Variants in PDZRN3 observed in about 807,000 individuals in gnomAD.
PDZRN3 encodes the protein PDZ domain containing ring finger 3.
PDZRN3 carries 38 observed loss-of-function variants against 85.7 expected under a neutral mutation model. The observed-to-expected ratio is 0.44, with a 90% CI of 0.34 to 0.58. The LOEUF (loss-of-function observed/expected upper bound fraction) is 0.58. PDZRN3 is among the 20% of genes least tolerant of loss of function. The pLI is 0.01. For missense variants in PDZRN3, 1,629 were observed against 1,506.4 expected, an observed-to-expected ratio of 1.08 and a Z score of -1.35; for synonymous variants, 759 against 638.0, an observed-to-expected ratio of 1.19 and a Z score of -2.86.
At chr3:73,390,871 A>G (rs1701509468) in intron 6 of PDZRN3, 147 bp downstream of exon 6, 1 of 557,464 alleles carries the variant, frequency 1.8e-6, no homozygotes. Flanking sequence ...GGAAAGATGC[A>G]GCGCCATGGA....
chr3:73,436,243 T>G (rs1209284334), intron 3 of PDZRN3, among the ~76,000 whole-genome samples: 1 of 152,248 alleles, frequency 6.6e-6, no homozygotes, highest in Non-Finnish European at 1.5e-5. Flanking sequence ...GCTGACTGTT[T>G]CCTTGTGCAA....
At chr3:73,390,021 T>A (rs1701487610) in intron 6 of PDZRN3, 143 bp from the exon 7 acceptor site, 1 of 686,742 alleles carries the variant, frequency 1.5e-6, no homozygotes, top group Non-Finnish European at 2.6e-6. Flanking sequence ...CTTAGTGTCG[T>A]GCAAGGAGAG....
intron 3 of PDZRN3, among the ~76,000 whole-genome samples, chr3:73,537,885 T>G (rs1381738900): frequency 1.3e-5 from 2 of 151,986 alleles, no homozygotes; most frequent in Non-Finnish European, 2.9e-5. Context: ...CTCGGCTTTC[T>G]GAAGTGCTGG....
intron 3 of PDZRN3, among the ~76,000 whole-genome samples, chr3:73,517,499 G>A (rs973775732): frequency 2.6e-5 from 4 of 152,154 alleles, no homozygotes; most frequent in African/African-American, 9.7e-5. Context: ...CAAAGTTAAC[G>A]TCACAGCGAG....
intron 3 of PDZRN3, among the ~76,000 whole-genome samples, chr3:73,500,450 G>A (rs1703955375): frequency 6.6e-6 from 1 of 152,000 alleles, no homozygotes; most frequent in Non-Finnish European, 1.5e-5. Flanking sequence ...ATTTCCACAT[G>A]AGCTCTGCCA....
chr3:73,401,289 C>T (rs576281171), intron 4 of PDZRN3, among the ~76,000 whole-genome samples: 15 of 152,316 alleles, frequency 9.8e-5, no homozygotes, highest in East Asian at 5.8e-4. Context: ...CTGCCAGTCA[C>T]GTGATTCAGC....
intron 3 of PDZRN3, among the ~76,000 whole-genome samples, chr3:73,496,382 GA>G (rs1351708021): frequency 3.6e-3 from 1 of 278 alleles, no homozygotes; most frequent in East Asian, 0.25. Context: ...CGAACATAGA[GA>G]ACTAACTTAA....
At chr3:73,496,870 A>C (rs1197838519) in intron 3 of PDZRN3, among the ~76,000 whole-genome samples, 4 of 152,180 alleles carry the variant, frequency 2.6e-5, no homozygotes, top group African/African-American at 9.7e-5. Context: ...ATATTCAAGG[A>C]AGCTAACTGA....
chr3:73,421,656 C>A (rs1702205119), intron 3 of PDZRN3, among the ~76,000 whole-genome samples: 1 of 152,120 alleles, frequency 6.6e-6, no homozygotes, highest in Non-Finnish European at 1.5e-5. Flanking sequence ...AAAACTACTT[C>A]AATTTTTTTT....
chr3:73,407,864 C>A (rs1701885136), intron 3 of PDZRN3, among the ~76,000 whole-genome samples: 1 of 152,174 alleles, frequency 6.6e-6, no homozygotes, highest in Non-Finnish European at 1.5e-5. Context: ...CTGAATCTGT[C>A]CAGCTTTGGG....
At chr3:73,592,797 G>A (rs1460884274) in intron 3 of PDZRN3, among the ~76,000 whole-genome samples, 1 of 152,142 alleles carries the variant, frequency 6.6e-6, no homozygotes, top group African/African-American at 2.4e-5. Flanking sequence ...ATCAGTGCTT[G>A]CAGCTGCCAT....
intron 3 of PDZRN3, among the ~76,000 whole-genome samples, chr3:73,571,663 G>A (rs956459893): frequency 1.3e-5 from 2 of 152,142 alleles, no homozygotes; most frequent in African/African-American, 4.8e-5. Context: ...CGCAGCTGCC[G>A]GGGTGAGAGT....
intron 3 of PDZRN3, among the ~76,000 whole-genome samples, chr3:73,445,178 C>G (rs1702722930): frequency 6.6e-6 from 1 of 151,786 alleles, no homozygotes; most frequent in Non-Finnish European, 1.5e-5. Context: ...GGTCAAACCA[C>G]AGCCAGAAGT....
At chr3:73,428,327 T>A (rs990052880) in intron 3 of PDZRN3, among the ~76,000 whole-genome samples, 4 of 152,338 alleles carry the variant, frequency 2.6e-5, no homozygotes, top group African/African-American at 9.6e-5. Flanking sequence ...CCTCACCTCC[T>A]TGGTCCAAAC....
intron 3 of PDZRN3, among the ~76,000 whole-genome samples, chr3:73,540,573 A>T (rs1704897326): frequency 6.6e-6 from 1 of 152,142 alleles, no homozygotes; most frequent in South Asian, 2.1e-4. Context: ...GTGATAGTGA[A>T]TGAGTTCTCA....
chr3:73,404,624 A>G, intron 3 of PDZRN3: 1 of 498,098 alleles, frequency 2.0e-6, no homozygotes, highest in Non-Finnish European at 3.5e-6. Context: ...TCACAGCGGG[A>G]AGGCTTAGCT....
intron 2 of PDZRN3, among the ~76,000 whole-genome samples, chr3:73,602,699 T>C (rs1702532421): frequency 6.6e-6 from 1 of 152,224 alleles, no homozygotes; most frequent in Admixed American, 6.5e-5. Flanking sequence ...CCATTGTCCT[T>C]CTTCCCCCGC....
chr3:73,623,330 T>C (rs1351225778), intron 1 of PDZRN3, among the ~76,000 whole-genome samples: 1 of 152,130 alleles, frequency 6.6e-6, no homozygotes, highest in Non-Finnish European at 1.5e-5. Context: ...TTGAAAACAG[T>C]TTTAACTCCA....
intron 3 of PDZRN3, among the ~76,000 whole-genome samples, chr3:73,444,673 C>T (rs925475749): frequency 6.6e-6 from 1 of 152,190 alleles, no homozygotes; most frequent in Non-Finnish European, 1.5e-5. Context: ...GAGAAGTCAG[C>T]TGTAGAGAGT....
Sources: allele counts gnomAD v4.1 joint callset (sites outside exome capture counted in the v4.1 genomes callset), GRCh38; gene constraint gnomAD v4.1.1; transcripts MANE v1.5; gene names NCBI Gene and HGNC (gene_info 2026-07-23, HGNC 2026-07-21).